Variants in CCSER1 observed in about 807,000 individuals in gnomAD.
The protein encoded by CCSER1 is coiled-coil serine rich protein 1.
In CCSER1, 41 loss-of-function variants were observed where a neutral mutation model predicts 82.0. That is an observed-to-expected ratio of 0.50 (90% CI 0.39 to 0.65). The LOEUF is 0.65. Ranked by LOEUF, CCSER1 falls within the 30% of genes least tolerant of loss-of-function variation. CCSER1 has a pLI of 0.00. For missense variants in CCSER1, 1,119 were observed against 1,064.2 expected, an observed-to-expected ratio of 1.05 and a Z score of -0.72; for synonymous variants, 414 against 383.9, an observed-to-expected ratio of 1.08 and a Z score of -0.92.
intron 9 of CCSER1, among the ~76,000 whole-genome samples, chr4:90,987,163 TTGTC>T (rs985491051): frequency 1.3e-5 from 2 of 151,476 alleles, no homozygotes; most frequent in Non-Finnish European, 3.0e-5. Flanking sequence ...TAAGCTTAGT[TTGTC>T]TGTCAGGATA....
rs899793997 is a variant in CCSER1 at position 90,221,271 on chromosome 4, T to C, written c.-41-86973T>C. Among the ~76,000 whole-genome samples, 116 of 152,168 alleles carry C rather than the reference T, an allele frequency of 7.6e-4. 1 individual carries two copies. The highest frequency in any genetic ancestry group is 2.2e-3 in the African/African-American group (92 of 41,436). ...AGAGAGTAGATAATTACATGTAATA[T>C]GAAGAGGTTATGTTCTCTTGATGCT... On this transcript the variant is annotated intron_variant, in intron 1 of 10. Transcript: ENST00000509176.
intron 10 of CCSER1, among the ~76,000 whole-genome samples, chr4:91,498,097 G>A (rs1393338141): frequency 6.6e-6 from 1 of 152,002 alleles, no homozygotes. Flanking sequence ...CAGCGGTTCA[G>A]ATGGAATATG....
At chr4:91,075,480 A>C (rs1178602875) in intron 9 of CCSER1, among the ~76,000 whole-genome samples, 1 of 152,154 alleles carries the variant, frequency 6.6e-6, no homozygotes, top group Non-Finnish European at 1.5e-5. Flanking sequence ...AAGAATAACA[A>C]AGTGGATTTT....
intron 1 of CCSER1, among the ~76,000 whole-genome samples, chr4:90,253,118 C>G (rs573263035): frequency 4.1e-4 from 62 of 151,996 alleles, no homozygotes; most frequent in Admixed American, 2.1e-3. Flanking sequence ...CAGCTTTTTT[C>G]CCAGCCAATT....
At chr4:90,875,615 G>A (rs1320095605) in intron 8 of CCSER1, among the ~76,000 whole-genome samples, 1 of 152,102 alleles carries the variant, frequency 6.6e-6, no homozygotes, top group Non-Finnish European at 1.5e-5. Context: ...TGTCACTATA[G>A]TGCGGTTACA....
At chr4:90,803,584 G>T (rs1484639046) in intron 7 of CCSER1, among the ~76,000 whole-genome samples, 1 of 152,084 alleles carries the variant, frequency 6.6e-6, no homozygotes, top group African/African-American at 2.4e-5. Flanking sequence ...GTGTATATCT[G>T]CCACATTTTC....
At chr4:90,694,981 A>C (rs2149251633) in intron 6 of CCSER1, among the ~76,000 whole-genome samples, 1 of 151,308 alleles carries the variant, frequency 6.6e-6, no homozygotes, top group South Asian at 2.1e-4. Flanking sequence ...TACATTCTTT[A>C]TTAATATTAC....
At chr4:90,479,216 A>G (rs1306076501) in intron 5 of CCSER1, among the ~76,000 whole-genome samples, 1 of 152,144 alleles carries the variant, frequency 6.6e-6, no homozygotes, top group East Asian at 1.9e-4. Context: ...CATAATATAA[A>G]GGAAGAATAT....
At chr4:90,585,638 G>T (rs992996732) in intron 5 of CCSER1, among the ~76,000 whole-genome samples, 2 of 152,008 alleles carry the variant, frequency 1.3e-5, no homozygotes, top group African/African-American at 4.8e-5. Flanking sequence ...ATAGAATTTT[G>T]TTACTAGGTT....
At chr4:90,404,420 G>C (rs1561175574) in intron 4 of CCSER1, among the ~76,000 whole-genome samples, 1 of 152,092 alleles carries the variant, frequency 6.6e-6, no homozygotes, top group Non-Finnish European at 1.5e-5. Flanking sequence ...AATCTCTTGG[G>C]TGTTCTATGG....
chr4:90,536,667 G>T (rs184888125), intron 5 of CCSER1, among the ~76,000 whole-genome samples: 1 of 152,156 alleles, frequency 6.6e-6, no homozygotes, highest in African/African-American at 2.4e-5. Flanking sequence ...AAAGACCTGG[G>T]TCTAATTACC....
chr4:91,307,739 G>T (rs544073017), intron 10 of CCSER1, among the ~76,000 whole-genome samples: 3 of 152,004 alleles, frequency 2.0e-5, no homozygotes, highest in South Asian at 4.1e-4. Flanking sequence ...TGCTTAAATA[G>T]AAACCATAAG....
chr4:90,319,720 AC>A (rs1459823543), intron 3 of CCSER1, among the ~76,000 whole-genome samples: 3 of 152,216 alleles, frequency 2.0e-5, no homozygotes, highest in Non-Finnish European at 4.4e-5. Flanking sequence ...CCTTAATGAG[AC>A]TTTCCAGTAT....
At chr4:90,284,445 A>G (rs1239474191) in intron 1 of CCSER1, among the ~76,000 whole-genome samples, 3 of 150,470 alleles carry the variant, frequency 2.0e-5, no homozygotes, top group African/African-American at 7.3e-5. Context: ...TTATTTTAGT[A>G]GTTTTATAGT....
intron 1 of CCSER1, among the ~76,000 whole-genome samples, chr4:90,161,129 T>A (rs1014289002): frequency 6.6e-6 from 1 of 152,200 alleles, no homozygotes; most frequent in African/African-American, 2.4e-5. Flanking sequence ...GTGGACTTAC[T>A]GTATGTAAAC....
intron 1 of CCSER1, among the ~76,000 whole-genome samples, chr4:90,250,361 T>C (rs182297370): frequency 8.5e-5 from 13 of 152,246 alleles, no homozygotes; most frequent in East Asian, 1.9e-4. Context: ...CTTTAGCACT[T>C]ACATTTGGGC....
In CCSER1 at chr4:91,577,659, C is replaced by T. The variant is rs949375151; in HGVS notation, c.2218-20913C>T. ...TAATCTGATGTAACACTCCGTTAAG[C>T]GATACTTGAGAATATTTGAATATTG... On this transcript the variant is annotated intron_variant, in intron 10 of 10. Coordinates refer to ENST00000509176, the MANE Select transcript of CCSER1 (RefSeq NM_001145065.2). Among the ~76,000 whole-genome samples, 3 of 151,836 alleles carry T rather than the reference C, an allele frequency of 2.0e-5. 1 individual carries two copies. In the South Asian group the frequency reaches 6.2e-4, roughly 32 times the overall value.
chr4:90,300,258 A>C (rs1364418822), intron 1 of CCSER1, among the ~76,000 whole-genome samples: 1 of 152,180 alleles, frequency 6.6e-6, no homozygotes, highest in Non-Finnish European at 1.5e-5. Context: ...CATTTTTAAT[A>C]GACTGGTTGG....
At chr4:90,663,252 T>C (rs1731146369) in intron 6 of CCSER1, among the ~76,000 whole-genome samples, 1 of 152,232 alleles carries the variant, frequency 6.6e-6, no homozygotes, top group African/African-American at 2.4e-5. Flanking sequence ...TTCTTACAAT[T>C]TTCTATTAAA....
Sources: gnomAD v4.1 joint callset for allele counts (sites outside exome capture counted in the v4.1 genomes callset) on GRCh38, gnomAD v4.1.1 for gene constraint, MANE v1.5 for transcripts, NCBI Gene and HGNC (gene_info 2026-07-23, HGNC 2026-07-21) for gene names.